The following PCDH9 variants were observed in gnomAD, a reference collection of about 807,000 sequenced individuals.
PCDH9 encodes protocadherin-9.
A neutral mutation model predicts 70.6 loss-of-function variants in PCDH9; 24 were observed. The ratio of observed to expected loss-of-function variants is 0.34; its 90% CI spans 0.25 to 0.48. The LOEUF is 0.48. Among genes scored for constraint, PCDH9 ranks in the 20% least tolerant of loss-of-function variants. The pLI is 0.99. For missense variants in PCDH9, 1,281 were observed against 1,503.6 expected, an observed-to-expected ratio of 0.85 and a Z score of 2.45; for synonymous variants, 562 against 558.5, an observed-to-expected ratio of 1.01 and a Z score of -0.09.
At chr13:66,497,749 C>G (rs1959138780) in intron 4 of PCDH9, among the ~76,000 whole-genome samples, 1 of 151,452 alleles carries the variant, frequency 6.6e-6, no homozygotes, top group South Asian at 2.1e-4. Context: ...GCAATTTGCT[C>G]TCCATTAAGT....
intron 4 of PCDH9, among the ~76,000 whole-genome samples, chr13:66,449,101 C>T (rs1447523599): frequency 6.6e-6 from 1 of 152,100 alleles, no homozygotes; most frequent in Non-Finnish European, 1.5e-5. Context: ...TCCTAGTGAG[C>T]TTATATAATC....
intron 3 of PCDH9, among the ~76,000 whole-genome samples, chr13:66,846,058 T>TG (rs2081201977): frequency 6.8e-6 from 1 of 146,648 alleles, no homozygotes; most frequent in African/African-American, 2.5e-5. Context: ...ATCAACAAGA[T>TG]GGGCCATAAC....
intron 3 of PCDH9, among the ~76,000 whole-genome samples, chr13:66,848,174 C>T (rs890088843): frequency 6.6e-6 from 1 of 152,000 alleles, no homozygotes; most frequent in East Asian, 1.9e-4. Context: ...AGAATGATTT[C>T]CCCTCCTATT....
chr13:66,970,891 C>A (rs2083510556), intron 2 of PCDH9, among the ~76,000 whole-genome samples: 2 of 151,922 alleles, frequency 1.3e-5, no homozygotes, highest in Admixed American at 1.3e-4. Flanking sequence ...ATATCGAATT[C>A]TTATGTCTAG....
intron 4 of PCDH9, among the ~76,000 whole-genome samples, chr13:66,437,444 A>AGTGTCT (rs1957893540): frequency 1.3e-5 from 2 of 149,434 alleles, no homozygotes; most frequent in South Asian, 2.1e-4. Context: ...AAACAAAGGT[A>AGTGTCT]GTGTCTGAAA....
intron 4 of PCDH9, among the ~76,000 whole-genome samples, chr13:66,383,341 C>T (rs538712118): frequency 1.3e-4 from 20 of 152,252 alleles, no homozygotes; most frequent in African/African-American, 4.6e-4. Context: ...ATCTCATTAC[C>T]TTTCTTCTAA....
At chr13:66,560,171 A>G (rs1380335092) in intron 4 of PCDH9, among the ~76,000 whole-genome samples, 1 of 152,078 alleles carries the variant, frequency 6.6e-6, no homozygotes, top group African/African-American at 2.4e-5. Flanking sequence ...CCTTCACAGC[A>G]TGTGCCGGGT....
At chr13:66,887,716 T>C (rs922111915) in intron 3 of PCDH9, among the ~76,000 whole-genome samples, 2 of 152,212 alleles carry the variant, frequency 1.3e-5, no homozygotes, top group African/African-American at 2.4e-5. Flanking sequence ...AGATCTTCCA[T>C]TCATATCTTT....
chr13:66,486,972 A>G (rs1193897016), intron 4 of PCDH9, among the ~76,000 whole-genome samples: 1 of 152,212 alleles, frequency 6.6e-6, no homozygotes, highest in African/African-American at 2.4e-5. Context: ...CTATGGAACC[A>G]TTGATGGTGT....
intron 3 of PCDH9, among the ~76,000 whole-genome samples, chr13:66,661,161 G>C (rs1167931707): frequency 3.3e-5 from 5 of 152,134 alleles, no homozygotes; most frequent in Non-Finnish European, 5.9e-5. Context: ...GCCATTTCCT[G>C]TTTCCTTTAT....
rs76452080 is a variant in PCDH9, at chr13:66,669,588, C to T, written c.3139-38177G>A. On this transcript the variant is annotated intron_variant, in intron 3 of 4. Transcript: ENST00000377865. ...ACAGCAGTATTTCCTAATGAGCAGC[C>T]GGAGCCTCTCTCTAGCATCTCAGAA... 4.2e-3 allele frequency among the ~76,000 whole-genome samples: 632 copies of T among 152,118 alleles called. 3 individuals carry two copies. The highest frequency in any genetic ancestry group is 0.014 in the African/African-American group (591 of 41,514).
At chr13:66,664,918 A>G (rs1371500398) in intron 3 of PCDH9, among the ~76,000 whole-genome samples, 1 of 152,050 alleles carries the variant, frequency 6.6e-6, no homozygotes, top group Non-Finnish European at 1.5e-5. Context: ...TAACTTTCCT[A>G]AGGCATAGAT....
At chr13:66,444,369 C>T (rs1171863213) in intron 4 of PCDH9, among the ~76,000 whole-genome samples, 1 of 152,112 alleles carries the variant, frequency 6.6e-6, no homozygotes, top group Admixed American at 6.6e-5. Flanking sequence ...TCCTACATGT[C>T]TAATTATAAC....
At chr13:66,773,859 C>T (rs993414811) in intron 3 of PCDH9, among the ~76,000 whole-genome samples, 2 of 151,034 alleles carry the variant, frequency 1.3e-5, no homozygotes, top group African/African-American at 4.9e-5. Flanking sequence ...CTCACTGCAA[C>T]CTCTGCCTCC....
intron 3 of PCDH9, among the ~76,000 whole-genome samples, chr13:66,839,634 C>T (rs1406170232): frequency 6.6e-6 from 1 of 152,128 alleles, no homozygotes; most frequent in East Asian, 1.9e-4. Context: ...GATGTACTTA[C>T]TATCATATTA....
intron 2 of PCDH9, among the ~76,000 whole-genome samples, chr13:67,156,710 G>A (rs769066878): frequency 5.9e-5 from 9 of 152,188 alleles, no homozygotes; most frequent in Admixed American, 1.3e-4. Flanking sequence ...ATGAGGTAGA[G>A]GGTCTAATTG....
chr13:66,660,393 G>A, intron 3 of PCDH9, among the ~76,000 whole-genome samples: 1 of 151,866 alleles, frequency 6.6e-6, no homozygotes. Context: ...CAGTAGATAA[G>A]GTCTCCTGAG....
Position 66,304,853 on chromosome 13 carries a change from C to T in PCDH9, c.3516G>A (p.Lys1172=), listed in dbSNP as rs1204663337. The change falls in exon 5 of 5, where the codon AAG becomes AAA. Residue 1172 remains lysine, a synonymous_variant. Transcript: ENST00000377865. ...TGGTCAGGGTGTGCCCATTCACAAG[C>T]TTGTCCTTCTTCACCCATTCTTTCT... The part of the protein sequence containing the change: ...APQKEWVKKD[K]LVNGHTLTRA... 3.1e-6 allele frequency: 5 copies of T among 1,613,552 alleles called. No individual in the cohort carries two copies. Among genetic ancestry groups the T allele is most frequent in the Non-Finnish European group, 4.2e-6 (5 of 1,179,732 alleles).
At chr13:66,932,659 C>T (rs866767039) in intron 2 of PCDH9, among the ~76,000 whole-genome samples, 5 of 130,360 alleles carry the variant, frequency 3.8e-5, no homozygotes, top group Middle Eastern at 4.2e-3. Flanking sequence ...TAAATCCTCA[C>T]ATATATATAT....
Sources: allele counts gnomAD v4.1 joint callset (sites outside exome capture counted in the v4.1 genomes callset), GRCh38; gene constraint gnomAD v4.1.1; transcripts MANE v1.5; gene names NCBI Gene and HGNC (gene_info 2026-07-23, HGNC 2026-07-21).